GRID2: variants seen among roughly 807,000 people sequenced by gnomAD.
The protein encoded by GRID2 is glutamate receptor ionotropic, delta-2.
Under a neutral mutation model 114.8 loss-of-function variants are expected in GRID2, and 33 were observed. That is an observed-to-expected ratio of 0.29 (90% CI 0.22 to 0.38). GRID2 has a LOEUF of 0.38. Among genes scored for constraint, GRID2 ranks in the 10% least tolerant of loss-of-function variants. The pLI, the probability that GRID2 is intolerant of heterozygous loss-of-function variation, is 1.00. For missense variants in GRID2, 1,184 were observed against 1,257.7 expected (o/e 0.94, Z 0.89); for synonymous variants, 505 against 449.9 (o/e 1.12, Z -1.55).
intron 1 of GRID2, among the ~76,000 whole-genome samples, chr4:92,508,342 A>G (rs1724077582): frequency 6.6e-6 from 1 of 152,004 alleles, no homozygotes; most frequent in South Asian, 2.1e-4. Flanking sequence ...GTATGGCAGT[A>G]AATACTTGAT....
chr4:93,155,592 G>T (rs1278175803), intron 4 of GRID2, among the ~76,000 whole-genome samples: 1 of 151,928 alleles, frequency 6.6e-6, no homozygotes, highest in African/African-American at 2.4e-5. Flanking sequence ...GTTTATCCAG[G>T]TTATCTAATA....
chr4:93,497,650 A>T (rs1727681439), intron 12 of GRID2, among the ~76,000 whole-genome samples: 1 of 151,786 alleles, frequency 6.6e-6, no homozygotes, highest in Non-Finnish European at 1.5e-5. Context: ...TGTACAAAAA[A>T]AAAAATCTGT....
intron 14 of GRID2, among the ~76,000 whole-genome samples, chr4:93,658,346 T>G (rs982112974): frequency 2.0e-5 from 3 of 152,172 alleles, no homozygotes; most frequent in Non-Finnish European, 4.4e-5. Flanking sequence ...ACAGGAATTT[T>G]AGAAATTAAT....
In GRID2 at chr4:93,086,172, A is replaced by G. The variant is rs189349598; in HGVS notation, c.529+893A>G. On this transcript the variant is annotated intron_variant, in intron 3 of 15. Transcript: ENST00000282020. ...TGAAACATGTGTTTTCTTAGAGGTT[A>G]TGTCTTGAGAAGGAGTCTTGGAAAA... Among the ~76,000 whole-genome samples the G allele has an allele frequency of 8.7e-4, 133 of 152,242 alleles. 2 individuals are homozygous for G. The highest frequency in any genetic ancestry group is 2.2e-3 in the African/African-American group (93 of 41,560).
chr4:93,135,072 G>A (rs2149379758), intron 4 of GRID2, among the ~76,000 whole-genome samples: 1 of 152,250 alleles, frequency 6.6e-6, no homozygotes, highest in Middle Eastern at 3.4e-3. Flanking sequence ...ACTAAAGAAG[G>A]TATTTAAGTG....
intron 2 of GRID2, among the ~76,000 whole-genome samples, chr4:92,992,717 A>G (rs926776133): frequency 1.3e-5 from 2 of 152,176 alleles, no homozygotes; most frequent in Non-Finnish European, 2.9e-5. Flanking sequence ...TAGTCCAGTG[A>G]GCAATAAATG....
In GRID2 at chr4:92,385,489, T is replaced by A. The variant is rs1449585518; in HGVS notation, c.88+80745T>A. ...TCTAAGGTAAGGAAATCAAACCATT[T>A]TTTTTTTCCTACAACCATGTTAACG... On this transcript the variant is annotated intron_variant, in intron 1 of 15. Coordinates refer to ENST00000282020, the MANE Select transcript of GRID2 (RefSeq NM_001510.4). Among the ~76,000 whole-genome samples, 7 of 151,922 alleles carry A rather than the reference T, an allele frequency of 4.6e-5. 1 individual carries two copies. In the South Asian group the frequency reaches 1.5e-3, roughly 31 times the overall value.
intron 2 of GRID2, among the ~76,000 whole-genome samples, chr4:92,783,403 T>C (rs1040314712): frequency 1.1e-4 from 16 of 152,130 alleles, no homozygotes; most frequent in African/African-American, 3.6e-4. Flanking sequence ...CCTTACTAGA[T>C]ATTGCCTTTT....
chr4:93,183,893 C>T (rs1222909876), intron 4 of GRID2, among the ~76,000 whole-genome samples: 1 of 152,164 alleles, frequency 6.6e-6, no homozygotes. Context: ...AAAATCAAAA[C>T]TGATTTTTAA....
intron 2 of GRID2, among the ~76,000 whole-genome samples, chr4:92,716,725 A>G (rs1262881877): frequency 6.6e-6 from 1 of 152,144 alleles, no homozygotes; most frequent in Non-Finnish European, 1.5e-5. Flanking sequence ...TCCTGAGGAA[A>G]TCCTATTATA....
chr4:92,786,990 T>G (rs868761193), intron 2 of GRID2, among the ~76,000 whole-genome samples: 1 of 151,990 alleles, frequency 6.6e-6, no homozygotes, highest in Admixed American at 6.6e-5. Flanking sequence ...GAAGAGTTGG[T>G]GCTTCTGAGC....
At chr4:92,997,911 T>C (rs1755301933) in intron 2 of GRID2, among the ~76,000 whole-genome samples, 1 of 152,070 alleles carries the variant, frequency 6.6e-6, no homozygotes, top group Admixed American at 6.6e-5. Context: ...GAAATGTATT[T>C]ATTACTCACA....
At chr4:93,796,693 G>C (rs1734810107) in intron 1 of GRID2, among the ~76,000 whole-genome samples, 1 of 152,076 alleles carries the variant, frequency 6.6e-6, no homozygotes, top group Non-Finnish European at 1.5e-5. Context: ...ACGGGCATGT[G>C]CCACCACACC....
At chr4:93,507,290 T>A (rs1728728804) in intron 12 of GRID2, among the ~76,000 whole-genome samples, 1 of 152,136 alleles carries the variant, frequency 6.6e-6, no homozygotes, top group African/African-American at 2.4e-5. Flanking sequence ...AAAACTTCAC[T>A]AAGGAAAAGG....
At chr4:93,312,057 C>T (rs1756077557) in intron 8 of GRID2, among the ~76,000 whole-genome samples, 1 of 152,042 alleles carries the variant, frequency 6.6e-6, no homozygotes, top group South Asian at 2.1e-4. Context: ...CATTATCACT[C>T]CATAATTTTA....
intron 2 of GRID2, among the ~76,000 whole-genome samples, chr4:92,616,563 A>AT (rs1362499649): frequency 6.6e-6 from 1 of 151,390 alleles, no homozygotes; most frequent in East Asian, 2.0e-4. Context: ...ATTTCTTTAG[A>AT]TTTTTCCCCT....
intron 8 of GRID2, among the ~76,000 whole-genome samples, chr4:93,295,291 A>C (rs917524419): frequency 2.0e-5 from 3 of 152,166 alleles, no homozygotes; most frequent in African/African-American, 7.2e-5. Flanking sequence ...GGATTTTCCA[A>C]CATTAAGAGG....
At chr4:92,691,454 G>A (rs1293377012) in intron 2 of GRID2, among the ~76,000 whole-genome samples, 1 of 152,026 alleles carries the variant, frequency 6.6e-6, no homozygotes, top group Non-Finnish European at 1.5e-5. Context: ...TAAACTTAAG[G>A]AGCAAAAGCC....
At chr4:92,604,043 T>C (rs1729343960) in intron 2 of GRID2, among the ~76,000 whole-genome samples, 1 of 152,120 alleles carries the variant, frequency 6.6e-6, no homozygotes, top group African/African-American at 2.4e-5. Context: ...AAACAACAGA[T>C]GCTGGTGTGA....
Sources: allele counts gnomAD v4.1 joint callset (sites outside exome capture counted in the v4.1 genomes callset), GRCh38; gene constraint gnomAD v4.1.1; transcripts MANE v1.5; gene names NCBI Gene and HGNC (gene_info 2026-07-23, HGNC 2026-07-21).